SCARA5: variants seen among roughly 807,000 people sequenced by gnomAD.
SCARA5 encodes the protein scavenger receptor class A member 5.
A neutral mutation model predicts 46.3 loss-of-function variants in SCARA5; 45 were observed. The observed-to-expected ratio is 0.97, with a 90% confidence interval of 0.76 to 1.24. The LOEUF is 1.24. SCARA5 is among the 50% of genes most tolerant of loss of function. The probability of loss-of-function intolerance (pLI) is 0.00; values close to 1 mark genes in which losing one functional copy is unlikely to be tolerated. For synonymous variants in SCARA5, 333 were observed against 306.5 expected, an observed-to-expected ratio of 1.09 and a Z score of -0.90; for missense variants, 680 against 689.0, an observed-to-expected ratio of 0.99 and a Z score of 0.15.
At chr8:27,916,409 G>A (rs1290510131) in intron 4 of SCARA5, among the ~76,000 whole-genome samples, 3 of 103,896 alleles carry the variant, frequency 2.9e-5, no homozygotes, top group Admixed American at 9.3e-5. Flanking sequence ...ATACGTATAT[G>A]TGCAAACGTG....
intron 2 of SCARA5, among the ~76,000 whole-genome samples, chr8:27,977,089 G>A (rs966734458): frequency 3.3e-5 from 5 of 152,114 alleles, no homozygotes; most frequent in Non-Finnish European, 4.4e-5. Flanking sequence ...CTACACAGCC[G>A]CCCCACTCCT....
rs773994723 is a variant in SCARA5 at position 27,909,665 on chromosome 8, C to T, written c.995G>A (p.Arg332Gln). 44 of 1,547,478 alleles carry T rather than the reference C, an allele frequency of 2.8e-5. No individual in the cohort carries two copies. Among genetic ancestry groups the T allele is most frequent in the Non-Finnish European group, 3.4e-5 (39 of 1,143,348 alleles). Residue 332 changes from arginine (R) to glutamine (Q), a missense_variant and splice_region_variant, in exon 5 of 9, where the codon CGA (arginine) becomes CAA (glutamine). By Grantham distance (43) the Arg-to-Gln change is conservative. This residue lies in a region of SCARA5 where 219 missense variants were observed against 269.5 expected (regional missense o/e 0.81). Transcript: ENST00000354914. Reference protein sequence around the residue: ...RPGIPGLPGLRGLPGERGTPG... With the variant: ...RPGIPGLPGLQGLPGERGTPG... ...CCACCCAGGGGCACGCTCATTACCTCGAAGTCCAGGCAATCCAGGGATGCC... is the reference window on the plus strand; with the variant it reads ...CCACCCAGGGGCACGCTCATTACCTTGAAGTCCAGGCAATCCAGGGATGCC...
At chr8:27,930,552 G>A (rs1002345742) in intron 3 of SCARA5, among the ~76,000 whole-genome samples, 9 of 152,016 alleles carry the variant, frequency 5.9e-5, no homozygotes, top group African/African-American at 7.3e-5. Context: ...ACAGGCATGC[G>A]CCACCATGCC....
At chr8:27,878,077 A>G (rs1398602718) in intron 8 of SCARA5, among the ~76,000 whole-genome samples, 2 of 152,192 alleles carry the variant, frequency 1.3e-5, no homozygotes, top group Non-Finnish European at 2.9e-5. Context: ...GACAGCAGGT[A>G]CGCCCGGCTC....
chr8:27,959,692 G>A (rs951441433), intron 3 of SCARA5, among the ~76,000 whole-genome samples: 3 of 152,190 alleles, frequency 2.0e-5, no homozygotes, highest in Non-Finnish European at 2.9e-5. Context: ...GATTTGTTCC[G>A]GCAAGAAGAA....
At chr8:27,978,185 T>C (rs7460491) in intron 2 of SCARA5, among the ~76,000 whole-genome samples, 88,763 of 149,958 alleles carry the variant, frequency 0.59, 27,315 homozygotes, top group Middle Eastern at 0.75. Context: ...CACCACCACA[T>C]CCGGCTAATT....
chr8:27,887,929 A>T (rs1585465267), intron 7 of SCARA5, among the ~76,000 whole-genome samples: 1 of 152,242 alleles, frequency 6.6e-6, no homozygotes, highest in African/African-American at 2.4e-5. Flanking sequence ...ACTAAAGAGA[A>T]CATCTTAACA....
At chr8:27,911,434 C>T (rs560439781) in intron 4 of SCARA5, among the ~76,000 whole-genome samples, 37 of 152,270 alleles carry the variant, frequency 2.4e-4, no homozygotes, top group Admixed American at 1.7e-3. Flanking sequence ...GGCTCATGCC[C>T]GTAATCCAGC....
In SCARA5 at chr8:27,871,673, A is replaced by T. The variant is rs1414249989; in HGVS notation, c.*261T>A. 7 of 1,358,938 alleles carry T rather than the reference A, an allele frequency of 5.2e-6. No homozygotes were observed. The highest frequency in any genetic ancestry group is 2.9e-5 in the East Asian group (1 of 34,862). The allele number at this position is 1,358,938 out of a possible 1,614,324, so 84.2% of individuals were successfully genotyped here. On this transcript the variant is annotated 3_prime_UTR_variant, in exon 9 of 9. Coordinates refer to ENST00000354914, the MANE Select transcript of SCARA5 (RefSeq NM_173833.6). ...TGTTCAGAGGCTGGGCAAAGTGGTG[A>T]TCCAGTTGATCAGGGCTCCTCATGC...
At chr8:27,911,154 A>T (rs2685350) in intron 4 of SCARA5, among the ~76,000 whole-genome samples, 1 of 152,060 alleles carries the variant, frequency 6.6e-6, no homozygotes, top group African/African-American at 2.4e-5. Flanking sequence ...CTCACTGCCC[A>T]CTCCTTGCAA....
intron 3 of SCARA5, among the ~76,000 whole-genome samples, chr8:27,940,760 G>GTCCACCCATCCATCCATCCA (rs1554573613): frequency 7.8e-6 from 1 of 128,278 alleles, no homozygotes; most frequent in African/African-American, 3.0e-5. Flanking sequence ...CCAACCATCT[G>GTCCACCCATCCATCCATCCA]TCCATCCATC....
chr8:27,909,837 G>C, intron 4 of SCARA5, 94 bp from the exon 5 acceptor site: 1 of 770,570 alleles, frequency 1.3e-6, no homozygotes, highest in Non-Finnish European at 2.1e-6. Context: ...TCTCTGAGGA[G>C]AGGAAGGGGC....
chr8:27,943,369 G>A (rs1807982078), intron 3 of SCARA5, among the ~76,000 whole-genome samples: 2 of 151,508 alleles, frequency 1.3e-5, no homozygotes, highest in African/African-American at 2.4e-5. Context: ...CCTGAGCCTG[G>A]GAAATGGAGG....
intron 8 of SCARA5, among the ~76,000 whole-genome samples, chr8:27,872,812 A>G (rs1806661436): frequency 6.6e-6 from 1 of 152,258 alleles, no homozygotes; most frequent in African/African-American, 2.4e-5. Context: ...AACAGTTCCA[A>G]GGTGACCCAG....
At chr8:27,966,104 A>G (rs1808364011) in intron 3 of SCARA5, among the ~76,000 whole-genome samples, 1 of 152,142 alleles carries the variant, frequency 6.6e-6, no homozygotes, top group African/African-American at 2.4e-5. Context: ...AGAGCAAACC[A>G]TACCCCAGAG....
intron 4 of SCARA5, among the ~76,000 whole-genome samples, chr8:27,912,543 A>T (rs965244549): frequency 1.3e-5 from 2 of 152,210 alleles, no homozygotes; most frequent in African/African-American, 4.8e-5. Context: ...TCAGGAAGCA[A>T]ATGCGTTCCA....
At chr8:27,968,392 C>T (rs112315408) in intron 2 of SCARA5, among the ~76,000 whole-genome samples, 5 of 152,274 alleles carry the variant, frequency 3.3e-5, no homozygotes, top group South Asian at 2.1e-4. Flanking sequence ...GCTGATTTTC[C>T]GCTAAGACAA....
intron 2 of SCARA5, among the ~76,000 whole-genome samples, chr8:27,968,101 TATC>T (rs1203867842): frequency 2.0e-5 from 3 of 152,312 alleles, no homozygotes; most frequent in African/African-American, 7.2e-5. Context: ...GCCTCCCAGG[TATC>T]ATTACTACCT....
At chr8:27,925,077 G>C (rs2068772858) in intron 3 of SCARA5, among the ~76,000 whole-genome samples, 1 of 152,174 alleles carries the variant, frequency 6.6e-6, no homozygotes, top group African/African-American at 2.4e-5. Flanking sequence ...GTAATTTATA[G>C]ATTCAATGCC....
Sources: allele counts gnomAD v4.1 joint callset (sites outside exome capture counted in the v4.1 genomes callset), GRCh38; gene constraint gnomAD v4.1.1; regional missense constraint gnomAD v4.1.1; transcripts MANE v1.5; gene names NCBI Gene and HGNC (gene_info 2026-07-23, HGNC 2026-07-21).